Variants in ROBO2 observed in about 807,000 individuals in gnomAD.
ROBO2 encodes the protein roundabout homolog 2.
Under a neutral mutation model 160.8 loss-of-function variants are expected in ROBO2, and 53 were observed. The observed-to-expected ratio is 0.33, with a 90% CI of 0.26 to 0.41. The LOEUF (loss-of-function observed/expected upper bound fraction) is 0.41, where lower values mean the gene tolerates loss of function less well. Ranked by LOEUF, ROBO2 falls within the 10% of genes least tolerant of loss-of-function variation. The pLI is 1.00. For missense variants in ROBO2, 1,577 were observed against 1,722.4 expected (o/e 0.92, Z 1.49); for synonymous variants, 664 against 611.7 (o/e 1.09, Z -1.26).
At chr3:76,524,978 G>T (rs995926414) in intron 2 of ROBO2, among the ~76,000 whole-genome samples, 3 of 150,292 alleles carry the variant, frequency 2.0e-5, no homozygotes, top group African/African-American at 7.3e-5. Context: ...GAAAGCAAGA[G>T]AATTCAAAGA....
intron 2 of ROBO2, among the ~76,000 whole-genome samples, chr3:77,123,910 G>T (rs559071327): frequency 7.2e-6 from 1 of 138,824 alleles, no homozygotes; most frequent in Non-Finnish European, 1.6e-5. Flanking sequence ...TATGTAGATA[G>T]ATATATAGAT....
At chr3:77,431,283 AAAG>A (rs1468479159) in intron 2 of ROBO2, among the ~76,000 whole-genome samples, 1 of 152,180 alleles carries the variant, frequency 6.6e-6, no homozygotes, top group Non-Finnish European at 1.5e-5. Flanking sequence ...TGGTGAAGAC[AAAG>A]AAGATTTCAG....
At chr3:77,056,619 G>A (rs2065771487) in intron 1 of ROBO2, among the ~76,000 whole-genome samples, 1 of 152,084 alleles carries the variant, frequency 6.6e-6, no homozygotes, top group Admixed American at 6.6e-5. Flanking sequence ...TATATTTGAT[G>A]TAAATTTCAT....
At chr3:76,298,751 A>T (rs1709210793) in intron 2 of ROBO2, among the ~76,000 whole-genome samples, 1 of 152,224 alleles carries the variant, frequency 6.6e-6, no homozygotes, top group South Asian at 2.1e-4. Flanking sequence ...GCCATTGGTT[A>T]GTCATAGAGC....
At chr3:77,640,059 C>T (rs2095324189) in intron 24 of ROBO2, among the ~76,000 whole-genome samples, 1 of 143,718 alleles carries the variant, frequency 7.0e-6, no homozygotes, top group Non-Finnish European at 1.5e-5. Flanking sequence ...TAGAATGTAA[C>T]TGTGACCAAC....
intron 2 of ROBO2, among the ~76,000 whole-genome samples, chr3:76,182,751 G>T (rs1485130877): frequency 6.6e-6 from 1 of 152,068 alleles, no homozygotes; most frequent in East Asian, 1.9e-4. Flanking sequence ...TCCTTCCTTG[G>T]ACTGCATACT....
At chr3:76,265,363 T>C (rs1056822759) in intron 2 of ROBO2, among the ~76,000 whole-genome samples, 1 of 152,202 alleles carries the variant, frequency 6.6e-6, no homozygotes, top group South Asian at 2.1e-4. Flanking sequence ...TTTGTTTCTG[T>C]TGAACTGTAG....
intron 2 of ROBO2, among the ~76,000 whole-genome samples, chr3:76,763,098 TA>T (rs1388827598): frequency 5.3e-5 from 8 of 151,698 alleles, no homozygotes; most frequent in African/African-American, 4.8e-5. Context: ...CAATAACATG[TA>T]AAAATTATCT....
intron 2 of ROBO2, among the ~76,000 whole-genome samples, chr3:77,114,068 A>G (rs9817857): frequency 0.019 from 2,933 of 152,276 alleles, 80 homozygotes; most frequent in African/African-American, 0.066. Context: ...GTAGAGAAAG[A>G]TAATTCTGGG....
intron 1 of ROBO2, among the ~76,000 whole-genome samples, chr3:77,066,204 G>A (rs1450440208): frequency 6.6e-6 from 1 of 152,050 alleles, no homozygotes; most frequent in African/African-American, 2.4e-5. Flanking sequence ...GAATAATTTT[G>A]AAGAGGCCAC....
In ROBO2 at chr3:77,296,402, T is replaced by G. The variant is rs143475054; in HGVS notation, c.389-181012T>G. On this transcript the variant is annotated intron_variant, in intron 2 of 25. Coordinates refer to ENST00000461745, the Ensembl canonical transcript of ROBO2. Reference sequence around the variant, plus strand: ...CACTGAGGCTAGATCACCAAAGACATAAAGTAAAATTGACGGCTAAACCGT... The same window carrying G: ...CACTGAGGCTAGATCACCAAAGACAGAAAGTAAAATTGACGGCTAAACCGT... Among the ~76,000 whole-genome samples, 953 of 152,150 alleles carry G rather than the reference T, an allele frequency of 6.3e-3. 16 individuals carry two copies. The highest frequency in any genetic ancestry group is 0.022 in the African/African-American group (916 of 41,526).
intron 2 of ROBO2, among the ~76,000 whole-genome samples, chr3:76,775,540 G>C (rs2062193054): frequency 6.6e-6 from 1 of 150,730 alleles, no homozygotes; most frequent in African/African-American, 2.4e-5. Context: ...ATGGAAACTT[G>C]CTGTACTTAG....
chr3:76,294,713 A>C (rs980212968), intron 2 of ROBO2, among the ~76,000 whole-genome samples: 2 of 152,234 alleles, frequency 1.3e-5, no homozygotes, highest in Non-Finnish European at 2.9e-5. Context: ...ATATTTGTCT[A>C]TAAAATATAT....
At chr3:76,959,165 T>C (rs1329857270) in intron 2 of ROBO2, among the ~76,000 whole-genome samples, 1 of 152,234 alleles carries the variant, frequency 6.6e-6, no homozygotes. Context: ...AGAATTCATT[T>C]ACAAACAACT....
chr3:76,076,313 C>T (rs1419774256), intron 2 of ROBO2, among the ~76,000 whole-genome samples: 2 of 152,108 alleles, frequency 1.3e-5, no homozygotes, highest in African/African-American at 4.8e-5. Context: ...ATTGCAATGG[C>T]CTTTCACCAG....
chr3:77,240,385 G>A (rs1190637894), intron 2 of ROBO2, among the ~76,000 whole-genome samples: 1 of 152,130 alleles, frequency 6.6e-6, no homozygotes, highest in Non-Finnish European at 1.5e-5. Context: ...CTCCGAGTGG[G>A]CCCGCCGAGC....
At chr3:77,128,287 G>A (rs1272968518) in intron 2 of ROBO2, among the ~76,000 whole-genome samples, 1 of 152,120 alleles carries the variant, frequency 6.6e-6, no homozygotes, top group Non-Finnish European at 1.5e-5. Context: ...AAACACAGTA[G>A]TCCTTTCCTC....
At chr3:77,582,075 T>G (rs1583084239) in intron 16 of ROBO2, among the ~76,000 whole-genome samples, 1 of 152,346 alleles carries the variant, frequency 6.6e-6, no homozygotes, top group Admixed American at 6.5e-5. Context: ...TGTAAGTAAC[T>G]GCATGGATTG....
In ROBO2 at chr3:76,492,672, C is replaced by A. The variant is rs570049670; in HGVS notation, c.109+555070C>A. Reference sequence around the variant, plus strand: ...TACTGTTTTTACCTGATTTGTCCATCGTCTTGTATGAATTAGCCATTAACG... The same window carrying A: ...TACTGTTTTTACCTGATTTGTCCATAGTCTTGTATGAATTAGCCATTAACG... On this transcript the variant is annotated intron_variant, in intron 2 of 26. Transcript: ENST00000487694. Among the ~76,000 whole-genome samples, 9 of 152,074 alleles carry A rather than the reference C, an allele frequency of 5.9e-5. No individual in the cohort carries two copies. The East Asian group carries it at 1.7e-3, about 29-fold the overall frequency.
Sources: gnomAD v4.1 joint callset for allele counts (sites outside exome capture counted in the v4.1 genomes callset) on GRCh38, gnomAD v4.1.1 for gene constraint, MANE v1.5 for transcripts, NCBI Gene and HGNC (gene_info 2026-07-23, HGNC 2026-07-21) for gene names.